The following CACNA2D2 variants were observed in gnomAD, a reference collection of about 807,000 sequenced individuals.
CACNA2D2 encodes voltage-dependent calcium channel subunit alpha-2/delta-2.
Under a neutral mutation model 166.4 loss-of-function variants are expected in CACNA2D2, and 48 were observed. That is an observed-to-expected ratio of 0.29 (90% CI 0.23 to 0.37). The LOEUF is 0.37. Ranked by LOEUF, CACNA2D2 falls within the 10% of genes least tolerant of loss-of-function variation. CACNA2D2 has a pLI of 1.00. For missense variants in CACNA2D2, 1,122 were observed against 1,433.0 expected (o/e 0.78, Z 3.50); for synonymous variants, 561 against 573.7 (o/e 0.98, Z 0.32).
chr3:50,414,516 C>G (rs1440592137), intron 3 of CACNA2D2, among the ~76,000 whole-genome samples: 1 of 151,964 alleles, frequency 6.6e-6, no homozygotes, highest in Non-Finnish European at 1.5e-5. Context: ...AGGGACAGGG[C>G]AGCCCCCCTT....
chr3:50,365,383 G>T lies in CACNA2D2; in HGVS notation c.3071C>A (p.Ala1024Asp), dbSNP rs755249188. Residue 1024 changes from alanine (A) to aspartate (D), a missense_variant, in exon 35 of 38, where the codon GCC becomes GAC. Ala to Asp is a moderately radical substitution (Grantham distance 126). Transcript: ENST00000424201. This position sits in a 1 kb window ranked among gnomAD's most constrained non-coding sequence, Gnocchi z 4.5. Reference sequence around the variant, plus strand: ...GGAGCAGTTTCCGCAGTCGATGATGGCGTTGTAGGAGGCGTTTACCGAGCC... The same window carrying T: ...GGAGCAGTTTCCGCAGTCGATGATGTCGTTGTAGGAGGCGTTTACCGAGCC... The part of the protein sequence containing the change: ...YFGSVNASYN[A>D]IIDCGNCSRL... 5.6e-6 allele frequency: 9 copies of T among 1,613,602 alleles called. No individual in the cohort carries two copies. Among genetic ancestry groups the T allele is most frequent in the Non-Finnish European group, 7.6e-6 (9 of 1,179,862 alleles).
intron 2 of CACNA2D2, among the ~76,000 whole-genome samples, chr3:50,442,934 G>A (rs953465789): frequency 1.3e-5 from 2 of 152,206 alleles, no homozygotes; most frequent in African/African-American, 4.8e-5. Flanking sequence ...CAGCCACATG[G>A]ACACCAGCCA....
chr3:50,476,280 T>G, intron 1 of CACNA2D2, 81 bp from the exon 2 acceptor site: 1 of 1,107,580 alleles, frequency 9.0e-7, no homozygotes. Flanking sequence ...CCGGGGGCAC[T>G]GGGGGCAACT....
chr3:50,422,360 T>TG (rs373841140), intron 3 of CACNA2D2, among the ~76,000 whole-genome samples: 3 of 152,222 alleles, frequency 2.0e-5, no homozygotes, highest in Non-Finnish European at 4.4e-5. Flanking sequence ...TGCCACAGGC[T>TG]GTTCCCTTTG....
chr3:50,489,759 C>T (rs1698446328), intron 1 of CACNA2D2, among the ~76,000 whole-genome samples: 1 of 152,216 alleles, frequency 6.6e-6, no homozygotes, highest in African/African-American at 2.4e-5. Flanking sequence ...AGGTGATCTC[C>T]CCAGGACCTC....
At chr3:50,489,479 C>T (rs1436100492) in intron 1 of CACNA2D2, among the ~76,000 whole-genome samples, 2 of 152,190 alleles carry the variant, frequency 1.3e-5, no homozygotes, top group Non-Finnish European at 2.9e-5. Flanking sequence ...GGCTATGGGG[C>T]GCCAGACAGG....
chr3:50,428,166 T>C (rs1174988826), intron 3 of CACNA2D2, among the ~76,000 whole-genome samples: 1 of 152,160 alleles, frequency 6.6e-6, no homozygotes, highest in African/African-American at 2.4e-5. Context: ...TTTTTGGTCA[T>C]GACAACTGGG....
intron 3 of CACNA2D2, among the ~76,000 whole-genome samples, chr3:50,417,130 G>T (rs1707302918): frequency 6.6e-6 from 1 of 152,152 alleles, no homozygotes; most frequent in Non-Finnish European, 1.5e-5. Flanking sequence ...GGTGCAGCAG[G>T]AACTTTGAGG....
At chr3:50,454,623 A>G (rs1333443163) in intron 2 of CACNA2D2, among the ~76,000 whole-genome samples, 1 of 152,278 alleles carries the variant, frequency 6.6e-6, no homozygotes, top group Non-Finnish European at 1.5e-5. Flanking sequence ...CCGGGAGATT[A>G]GCAGTTTAGA....
intron 1 of CACNA2D2, among the ~76,000 whole-genome samples, chr3:50,500,881 G>A (rs942036174): frequency 7.9e-5 from 12 of 152,186 alleles, no homozygotes; most frequent in Admixed American, 2.6e-4. Flanking sequence ...CTGCCAGAGC[G>A]ATTGCAGAAA....
At chr3:50,473,362 GC>G (rs1256498485) in intron 2 of CACNA2D2, among the ~76,000 whole-genome samples, 1 of 152,232 alleles carries the variant, frequency 6.6e-6, no homozygotes, top group African/African-American at 2.4e-5. Context: ...ATGGCTCCAA[GC>G]TACTGGGAGT....
At chr3:50,387,336 G>A (rs998847410) in intron 5 of CACNA2D2, among the ~76,000 whole-genome samples, 7 of 152,148 alleles carry the variant, frequency 4.6e-5, no homozygotes, top group African/African-American at 1.7e-4. Context: ...AGGGCCAAGC[G>A]CCTCACCACC....
chr3:50,364,728 G>A lies in CACNA2D2; in HGVS notation c.3370C>T (p.Leu1124Phe), dbSNP rs147278705. Residue 1124 changes from leucine (L) to phenylalanine (F), a missense_variant, in exon 38 of 38, where the codon CTC becomes TTC. By Grantham distance (22) the Leu-to-Phe change is conservative. Coordinates refer to ENST00000424201, the MANE Select transcript of CACNA2D2 (RefSeq NM_006030.4). ...TGCGGCCGGGGCGGCAGGCCCAGGA[G>A]GAGCAGCAGTTGCAGGGAGACCAGG... ...GVLVSLQLLLLLGLPPRPQPQ... is the reference protein window; with the variant it reads ...GVLVSLQLLLFLGLPPRPQPQ... The A allele has an allele frequency of 1.1e-3, 1,736 of 1,556,012 alleles. No homozygotes were observed. The highest frequency in any genetic ancestry group is 1.4e-3 in the Non-Finnish European group (1,639 of 1,150,744).
intron 2 of CACNA2D2, among the ~76,000 whole-genome samples, chr3:50,470,188 C>T (rs1710005655): frequency 6.6e-6 from 1 of 152,226 alleles, no homozygotes; most frequent in Non-Finnish European, 1.5e-5. Flanking sequence ...TGGGGCCTTC[C>T]TGCCACTGCA....
At chr3:50,382,639 T>C (rs1705378118) in intron 6 of CACNA2D2, among the ~76,000 whole-genome samples, 2 of 152,248 alleles carry the variant, frequency 1.3e-5, no homozygotes, top group Non-Finnish European at 2.9e-5. Flanking sequence ...TTTAGAAACT[T>C]AGTGAGTTGA....
chr3:50,387,493 G>A, intron 5 of CACNA2D2, 75 bp downstream of exon 5: 1 of 1,226,916 alleles, frequency 8.2e-7, no homozygotes, highest in Admixed American at 1.7e-5. Flanking sequence ...GTGTGGCGCT[G>A]AGTCCTAACA....
upstream of CACNA2D2, among the ~76,000 whole-genome samples, chr3:50,503,817 A>G (rs1048557226): frequency 6.0e-5 from 9 of 149,868 alleles, no homozygotes; most frequent in East Asian, 2.0e-4. Context: ...ATCCTGCCCT[A>G]CTGGCTCGGG....
At chr3:50,389,743 C>T (rs1290884750) in intron 4 of CACNA2D2, among the ~76,000 whole-genome samples, 2 of 152,176 alleles carry the variant, frequency 1.3e-5, no homozygotes, top group East Asian at 3.8e-4. Context: ...GACATGTCAC[C>T]CAGGAGGATT....
chr3:50,416,720 C>T (rs1028639002), intron 3 of CACNA2D2, among the ~76,000 whole-genome samples: 2 of 152,054 alleles, frequency 1.3e-5, no homozygotes, highest in Admixed American at 6.5e-5. Context: ...TGGTCTCGGG[C>T]AAGTCTCTTT....
Sources: gnomAD v4.1 joint callset for allele counts (sites outside exome capture counted in the v4.1 genomes callset) on GRCh38, gnomAD v4.1.1 for gene constraint, Gnocchi (gnomAD v3.1) non-coding constraint, MANE v1.5 for transcripts, NCBI Gene and HGNC (gene_info 2026-07-23, HGNC 2026-07-21) for gene names.